Variants in CSNK2A2IP observed in about 807,000 individuals in gnomAD.
The protein encoded by CSNK2A2IP is casein kinase 2 subunit alpha' interacting protein.
the CSNK2A2IP span, among the ~76,000 whole-genome samples, chr3:88,379,668 A>G: frequency 3.3e-5 from 5 of 152,236 alleles, no homozygotes; most frequent in South Asian, 1.0e-3. Flanking sequence ...CACTCAGTTT[A>G]AAGAAAACAG....
At chr3:88,434,220 C>T in the CSNK2A2IP span, among the ~76,000 whole-genome samples, 2 of 151,968 alleles carry the variant, frequency 1.3e-5, no homozygotes, top group South Asian at 2.1e-4. Flanking sequence ...TTTCCTGCTG[C>T]GTTTGGCTAT....
At chr3:88,421,632 G>A in the CSNK2A2IP span, among the ~76,000 whole-genome samples, 1 of 152,082 alleles carries the variant, frequency 6.6e-6, no homozygotes, top group Non-Finnish European at 1.5e-5. Context: ...GGCCAGTCTG[G>A]TCTCGAACTC....
chr3:88,399,694 C>T, the CSNK2A2IP span: 1 of 152,198 alleles, frequency 6.6e-6, no homozygotes, highest in Non-Finnish European at 1.5e-5. Context: ...CAGCGAGCCC[C>T]AGGGTGCTAA....
chr3:88,458,521 C>T, the CSNK2A2IP span, among the ~76,000 whole-genome samples: 136 of 152,232 alleles, frequency 8.9e-4, 1 homozygote, highest in Non-Finnish European at 1.8e-4. Flanking sequence ...AAAGAACCAC[C>T]TATCAATATA....
chr3:88,374,460 C>A, the CSNK2A2IP span, among the ~76,000 whole-genome samples: 1 of 151,592 alleles, frequency 6.6e-6, no homozygotes, highest in Admixed American at 6.6e-5. Context: ...TGAATGAGAT[C>A]ATCTAGGCAA....
the CSNK2A2IP span, among the ~76,000 whole-genome samples, chr3:88,378,887 T>C: frequency 2.0e-5 from 3 of 152,050 alleles, no homozygotes; most frequent in Non-Finnish European, 4.4e-5. Flanking sequence ...TGTTTGATTG[T>C]GTTAGTATTA....
chr3:88,413,712 C>G, the CSNK2A2IP span, among the ~76,000 whole-genome samples: 2 of 151,962 alleles, frequency 1.3e-5, no homozygotes, highest in East Asian at 3.9e-4. Context: ...ACTGCCCTTT[C>G]AGACTTTCAG....
At chr3:88,345,176 C>T in the CSNK2A2IP span, among the ~76,000 whole-genome samples, 1 of 152,000 alleles carries the variant, frequency 6.6e-6, no homozygotes, top group African/African-American at 2.4e-5. Context: ...CTTAGCTAAT[C>T]CTGATTGCAT....
chr3:88,397,473 C>T, the CSNK2A2IP span, among the ~76,000 whole-genome samples: 1 of 152,162 alleles, frequency 6.6e-6, no homozygotes, highest in Non-Finnish European at 1.5e-5. Flanking sequence ...TAATTTGTCA[C>T]AATGCTGATA....
chr3:88,456,367 T>C, the CSNK2A2IP span, among the ~76,000 whole-genome samples: 1 of 152,102 alleles, frequency 6.6e-6, no homozygotes, highest in African/African-American at 2.4e-5. Flanking sequence ...CACCAATTCT[T>C]TTATCAGTTG....
At chr3:88,464,036 C>T in the CSNK2A2IP span, among the ~76,000 whole-genome samples, 6 of 151,450 alleles carry the variant, frequency 4.0e-5, no homozygotes, top group Non-Finnish European at 8.8e-5. Flanking sequence ...AGCTGGAAAA[C>T]ATCATTCTCA....
At chr3:88,390,527 G>A in the CSNK2A2IP span, among the ~76,000 whole-genome samples, 3 of 152,136 alleles carry the variant, frequency 2.0e-5, no homozygotes, top group African/African-American at 7.2e-5. Flanking sequence ...TTCTCTGAGG[G>A]ATGTACCAGG....
chr3:88,431,148 G>T, the CSNK2A2IP span: 1 of 152,184 alleles, frequency 6.6e-6, no homozygotes, highest in African/African-American at 2.4e-5. Context: ...AGCAAATACA[G>T]AAAGTTGTAG....
the CSNK2A2IP span, among the ~76,000 whole-genome samples, chr3:88,429,012 GCCC>G: frequency 1.3e-4 from 19 of 151,060 alleles, no homozygotes; most frequent in African/African-American, 3.4e-4. Context: ...GCAAATATTG[GCCC>G]TTGATTTTAG....
the CSNK2A2IP span, among the ~76,000 whole-genome samples, chr3:88,460,859 G>A: frequency 1.3e-5 from 2 of 152,026 alleles, no homozygotes; most frequent in African/African-American, 2.4e-5. Context: ...AGGCCAAGGC[G>A]GGTAGATCAC....
chr3:88,369,062 T>A, the CSNK2A2IP span, among the ~76,000 whole-genome samples: 1 of 151,994 alleles, frequency 6.6e-6, no homozygotes, highest in African/African-American at 2.4e-5. Flanking sequence ...CTGAGACACA[T>A]AACCTTCATG....
At chr3:88,403,138 T>TAGCA in the CSNK2A2IP span, among the ~76,000 whole-genome samples, 1 of 152,082 alleles carries the variant, frequency 6.6e-6, no homozygotes, top group Non-Finnish European at 1.5e-5. Flanking sequence ...ACCTATATTC[T>TAGCA]TACCTAGATT....
At chr3:88,425,846 C>T in the CSNK2A2IP span, among the ~76,000 whole-genome samples, 10 of 151,956 alleles carry the variant, frequency 6.6e-5, no homozygotes, top group African/African-American at 2.4e-4. Context: ...TTCATATTTA[C>T]ATTCTTTGTA....
the CSNK2A2IP span, among the ~76,000 whole-genome samples, chr3:88,387,332 AGCT>A: frequency 6.6e-6 from 1 of 151,870 alleles, no homozygotes; most frequent in African/African-American, 2.4e-5. Context: ...CACCACACCC[AGCT>A]AATTTTTGTA....
Sources: allele counts gnomAD v4.1 joint callset (sites outside exome capture counted in the v4.1 genomes callset), GRCh38; gene constraint gnomAD v4.1.1; transcripts MANE v1.5; gene names NCBI Gene and HGNC (gene_info 2026-07-23, HGNC 2026-07-21).